The following LYG1 variants were observed in gnomAD, a reference collection of about 807,000 sequenced individuals.
LYG1 encodes the protein lysozyme g-like protein 1.
LYG1 carries 17 observed loss-of-function variants against 21.7 expected under a neutral mutation model. The observed-to-expected ratio is 0.78, with a 90% CI of 0.54 to 1.18. The LOEUF (loss-of-function observed/expected upper bound fraction) is 1.18. LYG1 is among the 50% of genes most tolerant of loss of function. LYG1 has a pLI of 0.00. For missense variants in LYG1, 211 were observed against 238.1 expected (o/e 0.89, Z 0.75); for synonymous variants, 81 against 87.4 (o/e 0.93, Z 0.41).
intron 4 of LYG1, among the ~76,000 whole-genome samples, chr2:99,291,856 A>G (rs866358782): frequency 1.3e-5 from 2 of 152,232 alleles, no homozygotes; most frequent in African/African-American, 2.4e-5. Flanking sequence ...TCACAATTGC[A>G]CAGTTTTCCA....
intron 5 of LYG1, among the ~76,000 whole-genome samples, chr2:99,285,578 T>C (rs530291983): frequency 6.6e-6 from 1 of 152,242 alleles, no homozygotes; most frequent in East Asian, 1.9e-4. Context: ...TGCACAACAA[T>C]AGCGCATGTG....
chr2:99,287,683 C>T (rs2094104688), intron 5 of LYG1, among the ~76,000 whole-genome samples: 1 of 151,674 alleles, frequency 6.6e-6, no homozygotes. Flanking sequence ...GTTTCTTTAA[C>T]CTAAGAGTTA....
chr2:99,293,234 C>T (rs979557031), intron 3 of LYG1, among the ~76,000 whole-genome samples: 4 of 152,060 alleles, frequency 2.6e-5, no homozygotes, highest in African/African-American at 7.2e-5. Context: ...TCAAGTGATC[C>T]GCCCGCCTCG....
chr2:99,295,464 G>A (rs988257289), intron 3 of LYG1, among the ~76,000 whole-genome samples, 164 bp downstream of exon 3: 2 of 152,214 alleles, frequency 1.3e-5, no homozygotes, highest in Admixed American at 6.5e-5. Context: ...GACATTTGGG[G>A]AGAGGCTGAT....
rs76526496 is a variant in LYG1, at chr2:99,292,588, G to A, written c.96C>T (p.Asp32=). Residue 32 remains aspartate (D), a synonymous_variant, in exon 4 of 7, where the codon GAC becomes GAT. Coordinates refer to ENST00000308528, the MANE Select transcript of LYG1 (RefSeq NM_174898.3). The part of the protein sequence containing the change: ...WGCYGNIQSL[D]TPGASCGIGR... ...CAATCCCACAAGATGCTCCAGGGGT[G>A]TCCAGGCTTTGGATGTTTCCATAGC... 1.6e-4 allele frequency: 264 copies of A among 1,614,178 alleles called. 1 individual carries two copies. The African/African-American group carries it at 3.3e-3, about 20-fold the overall frequency.
chr2:99,291,756 G>A (rs552632462), intron 4 of LYG1, among the ~76,000 whole-genome samples: 1 of 152,272 alleles, frequency 6.6e-6, no homozygotes, highest in South Asian at 2.1e-4. Flanking sequence ...AAAATGAAAT[G>A]TGCCTGCCTA....
chr2:99,284,467 T>C lies in LYG1; in HGVS notation c.511A>G (p.Ser171Gly), dbSNP rs752669550. The C allele has an allele frequency of 1.9e-6, 3 of 1,614,226 alleles. No individual in the cohort carries two copies. The highest frequency in any genetic ancestry group is 1.6e-4 in the Middle Eastern group (1 of 6,062). Residue 171 changes from serine (S) to glycine (G), a missense_variant, in exon 7 of 7, where the codon AGC becomes GGC. Coordinates refer to ENST00000308528, the MANE Select transcript of LYG1 (RefSeq NM_174898.3). ...YSGGAGYVRS[S>G]QDLSCDFCND... ...CAGAAGTCACAGCTCAGGTCCTGGC[T>C]GCTTCGGACATAGCCAGCACCCCCA... is the stretch of plus-strand genomic sequence containing the variant.
rs187944145 is a variant in LYG1 at position 99,291,660 on chromosome 2, C to T, written c.149-239G>A. On this transcript the variant is annotated intron_variant, in intron 4 of 6. Coordinates refer to ENST00000308528, the MANE Select transcript of LYG1 (RefSeq NM_174898.3). ...GTCCCCTGTGGCTGTCAGTGCCCTTCGACTGGGCTCTCAGGGGCTGCTCTG... is the reference window on the plus strand; with the variant it reads ...GTCCCCTGTGGCTGTCAGTGCCCTTTGACTGGGCTCTCAGGGGCTGCTCTG... Among the ~76,000 whole-genome samples the T allele has an allele frequency of 6.5e-3, 986 of 152,264 alleles. 6 individuals carry two copies. The highest frequency in any genetic ancestry group is 0.017 in the Middle Eastern group (5 of 294).
Position 99,291,366 on chromosome 2 carries a change from A to G in LYG1, c.204T>C (p.Tyr68=). Residue 68 remains tyrosine, a synonymous_variant, in exon 5 of 7, where the codon TAT becomes TAC. Coordinates refer to ENST00000308528, the MANE Select transcript of LYG1 (RefSeq NM_174898.3). The part of the protein sequence containing the change: ...AEIDMPYLLK[Y]QPMMQTIGQK... Reference sequence around the variant, plus strand: ...GGCCAATGGTTTGCATCATGGGTTGATATTTCAGGAGGTATGGCATGTCTA... The same window carrying G: ...GGCCAATGGTTTGCATCATGGGTTGGTATTTCAGGAGGTATGGCATGTCTA... 1.2e-6 allele frequency: 2 copies of G among 1,614,168 alleles called. No individual in the cohort carries two copies. Among genetic ancestry groups the G allele is most frequent in the South Asian group, 2.2e-5 (2 of 91,090 alleles).
Position 99,295,643 on chromosome 2 carries a change from G to A in LYG1, c.28C>T (p.Leu10Phe). MSALWLLLG[L>F]LALMDLSESS... ...CCACACTCACCCATCAGGGCAAGGA[G>A]GCCCAGCAGCAGCCACAATGCAGAC... Residue 10 changes from leucine (L) to phenylalanine (F), a missense_variant, in exon 3 of 7, where the codon CTC becomes TTC. Transcript: ENST00000308528. The A allele has an allele frequency of 6.2e-7, 1 of 1,614,152 alleles. No individual in the cohort carries two copies. Among genetic ancestry groups the A allele is most frequent in the East Asian group, 2.2e-5 (1 of 44,874 alleles).
intron 5 of LYG1, among the ~76,000 whole-genome samples, chr2:99,290,199 C>A (rs2094114459): frequency 6.6e-6 from 1 of 152,158 alleles, no homozygotes; most frequent in African/African-American, 2.4e-5. Context: ...AGGAAATGGA[C>A]TCATCCTTTC....
upstream of LYG1, among the ~76,000 whole-genome samples, chr2:99,303,010 C>T (rs1559226849): frequency 7.3e-6 from 1 of 136,194 alleles, no homozygotes; most frequent in Non-Finnish European, 1.6e-5. Flanking sequence ...GAGCAAGCCT[C>T]CATCTGAAAA....
intron 3 of LYG1, among the ~76,000 whole-genome samples, chr2:99,295,081 G>A (rs1357869238): frequency 6.6e-6 from 1 of 151,990 alleles, no homozygotes; most frequent in Non-Finnish European, 1.5e-5. Flanking sequence ...CAGCCTGGGT[G>A]AAAGAGCAAA....
At chr2:99,301,510 A>G (rs57164100), upstream of LYG1, among the ~76,000 whole-genome samples, 43,060 of 109,874 alleles carry the variant, frequency 0.39, 9,661 homozygotes, top group East Asian at 0.69. Flanking sequence ...GGAAGGAAGG[A>G]AGGGAGGGAG....
chr2:99,301,944 A>C (rs1339548049), upstream of LYG1, among the ~76,000 whole-genome samples: 1 of 152,182 alleles, frequency 6.6e-6, no homozygotes, highest in African/African-American at 2.4e-5. Flanking sequence ...GTTTCCAGGA[A>C]GGATTCTTTC....
chr2:99,291,427 C>T lies in LYG1; in HGVS notation c.149-6G>A. 3 of 1,613,758 alleles carry T rather than the reference C, an allele frequency of 1.9e-6. No homozygotes were observed. Among genetic ancestry groups the T allele is most frequent in the South Asian group, 1.1e-5 (1 of 90,976 alleles). On this transcript the variant is annotated splice_polypyrimidine_tract_variant and splice_region_variant and intron_variant, in intron 4 of 6. Coordinates refer to ENST00000308528, the MANE Select transcript of LYG1 (RefSeq NM_174898.3). ...CCTTTCAGAAGCACGAACTCCTAAACCAAACGCAAAAGGAATGATGCAGCT... is the reference window on the plus strand; with the variant it reads ...CCTTTCAGAAGCACGAACTCCTAAATCAAACGCAAAAGGAATGATGCAGCT...
chr2:99,288,748 T>C (rs910175066), intron 5 of LYG1, among the ~76,000 whole-genome samples: 9 of 152,148 alleles, frequency 5.9e-5, no homozygotes, highest in Admixed American at 5.9e-4. Context: ...TTTTGTATTT[T>C]TAGTAAAGAC....
At chr2:99,288,700 C>T (rs2094109561) in intron 5 of LYG1, among the ~76,000 whole-genome samples, 1 of 152,166 alleles carries the variant, frequency 6.6e-6, no homozygotes, top group South Asian at 2.1e-4. Flanking sequence ...TCCTGCGTAG[C>T]TGGGATTACA....
rs1234751507 is a variant in LYG1 at position 99,292,491 on chromosome 2, G to A, written c.148+45C>T. On this transcript the variant is annotated intron_variant, in intron 4 of 6. Coordinates refer to ENST00000308528, the MANE Select transcript of LYG1 (RefSeq NM_174898.3). ...TCAGTAGCGTGAGGCATGGGAAACAGTGAAAGCCGGGGGATAGGTTGAGAG... is the reference window on the plus strand; with the variant it reads ...TCAGTAGCGTGAGGCATGGGAAACAATGAAAGCCGGGGGATAGGTTGAGAG... 2.1e-6 allele frequency: 3 copies of A among 1,428,868 alleles called. No homozygotes were observed. The South Asian group carries it at 3.4e-5, about 16-fold the overall frequency. 88.5% of individuals were successfully genotyped at this position (1,428,868 alleles called of 1,614,324 possible). A position where few individuals can be genotyped will look rare whatever the true frequency, so the allele number is the denominator to read the frequency against.
Sources: allele counts gnomAD v4.1 joint callset (sites outside exome capture counted in the v4.1 genomes callset), GRCh38; gene constraint gnomAD v4.1.1; transcripts MANE v1.5; gene names NCBI Gene and HGNC (gene_info 2026-07-23, HGNC 2026-07-21).